Variants in TUFT1 observed in about 807,000 individuals in gnomAD.
TUFT1 encodes tuftelin 1.
TUFT1 carries 43 observed loss-of-function variants against 57.8 expected under a neutral mutation model. The observed-to-expected ratio is 0.74, with a 90% CI of 0.58 to 0.96. The LOEUF is 0.96. TUFT1 is among the 40% of genes least tolerant of loss of function. The pLI is 0.00. For synonymous variants in TUFT1, 166 were observed against 176.7 expected (o/e 0.94, Z 0.48); for missense variants, 459 against 489.0 (o/e 0.94, Z 0.58).
chr1:151,554,831 G>A (rs1465852179), intron 1 of TUFT1, among the ~76,000 whole-genome samples: 1 of 147,370 alleles, frequency 6.8e-6, no homozygotes, highest in African/African-American at 2.5e-5. Context: ...AGCCTCCTGA[G>A]TAGCTGGGAC....
chr1:151,547,409 T>C (rs1405262332), intron 1 of TUFT1, among the ~76,000 whole-genome samples: 1 of 152,216 alleles, frequency 6.6e-6, no homozygotes, highest in Non-Finnish European at 1.5e-5. Flanking sequence ...TTATGGTGCA[T>C]GCCTCTTTGG....
intron 7 of TUFT1, among the ~76,000 whole-genome samples, chr1:151,570,907 A>G (rs1016836797): frequency 6.6e-6 from 1 of 152,050 alleles, no homozygotes; most frequent in Non-Finnish European, 1.5e-5. Context: ...GGGTCTTGCC[A>G]TGTTGCCCAG....
chr1:151,575,115 G>A, intron 9 of TUFT1, 110 bp downstream of exon 9: 1 of 950,498 alleles, frequency 1.1e-6, no homozygotes, highest in Non-Finnish European at 1.6e-6. Context: ...AGCTGGTGCT[G>A]ATGTCAGATC....
chr1:151,571,173 C>T (rs140765739), intron 7 of TUFT1, among the ~76,000 whole-genome samples: 1 of 152,330 alleles, frequency 6.6e-6, no homozygotes, highest in East Asian at 1.9e-4. Context: ...TTGAACTCTT[C>T]ATTTTCATGG....
intron 1 of TUFT1, chr1:151,557,357 G>A: frequency 1.6e-6 from 1 of 622,320 alleles, no homozygotes; most frequent in Non-Finnish European, 2.9e-6. Flanking sequence ...ATCAGACATT[G>A]TTATACTTTT....
chr1:151,569,040 C>T (rs932129503), intron 6 of TUFT1, among the ~76,000 whole-genome samples: 1 of 152,200 alleles, frequency 6.6e-6, no homozygotes, highest in African/African-American at 2.4e-5. Context: ...TAACCACCAG[C>T]CCACAGTTGG....
chr1:151,579,681 G>T lies in TUFT1; in HGVS notation c.957G>T (p.Lys319Asn). The change falls in exon 11 of 13, where the codon AAG becomes AAT. Residue 319 changes from lysine to asparagine, a missense_variant. Coordinates refer to ENST00000368849, the MANE Select transcript of TUFT1 (RefSeq NM_020127.3). ...LQNSKAVIQS[K>N]DATIQELKEK... ...ATTCAAAAGCTGTGATCCAGTCAAA[G>T]GACGCCACCATCCAGGAGCTCAAGG... The T allele has an allele frequency of 6.2e-7, 1 of 1,614,068 alleles. No individual in the cohort carries two copies. The highest frequency in any genetic ancestry group is 8.5e-7 in the Non-Finnish European group (1 of 1,179,988).
intron 1 of TUFT1, among the ~76,000 whole-genome samples, chr1:151,547,605 GT>G (rs1383541412): frequency 6.6e-6 from 1 of 152,180 alleles, no homozygotes; most frequent in African/African-American, 2.4e-5. Flanking sequence ...AAGAGACGTG[GT>G]TTTCTTGGGT....
chr1:151,578,902 T>C (rs571098231), intron 10 of TUFT1, 76 bp downstream of exon 10: 8 of 1,169,652 alleles, frequency 6.8e-6, no homozygotes, highest in African/African-American at 1.5e-5. Context: ...CCTAGGGAGC[T>C]TGACTTATAT....
chr1:151,573,206 C>T (rs1215381941), intron 7 of TUFT1, among the ~76,000 whole-genome samples: 3 of 152,142 alleles, frequency 2.0e-5, no homozygotes, highest in Non-Finnish European at 4.4e-5. Flanking sequence ...CAGTCTACTT[C>T]GGGGTGCACA....
At chr1:151,575,597 C>T (rs1342206244) in intron 9 of TUFT1, among the ~76,000 whole-genome samples, 2 of 152,170 alleles carry the variant, frequency 1.3e-5, no homozygotes, top group African/African-American at 4.8e-5. Flanking sequence ...TCAGAGGCCC[C>T]AGACAACCAA....
intron 1 of TUFT1, among the ~76,000 whole-genome samples, chr1:151,542,588 T>G (rs1254769942): frequency 6.6e-6 from 1 of 152,156 alleles, no homozygotes; most frequent in African/African-American, 2.4e-5. Context: ...AAAAAATTAC[T>G]AAGAGAAAAT....
chr1:151,578,612 G>A, intron 9 of TUFT1, 109 bp from the exon 10 acceptor site: 3 of 904,692 alleles, frequency 3.3e-6, no homozygotes, highest in Non-Finnish European at 5.0e-6. Flanking sequence ...AGGGAATCAG[G>A]CAAAGGGAAT....
intron 7 of TUFT1, among the ~76,000 whole-genome samples, chr1:151,570,591 T>C (rs918682393): frequency 1.3e-5 from 2 of 152,110 alleles, no homozygotes; most frequent in Non-Finnish European, 2.9e-5. Flanking sequence ...GGAATGAGTA[T>C]ATTAATTATT....
intron 6 of TUFT1, among the ~76,000 whole-genome samples, chr1:151,566,838 T>C (rs531322598): frequency 2.9e-4 from 44 of 152,254 alleles, no homozygotes; most frequent in Non-Finnish European, 2.9e-5. Context: ...TCTTTCCATG[T>C]CAGTACATAT....
chr1:151,558,529 G>T (rs1171818312), intron 1 of TUFT1, among the ~76,000 whole-genome samples: 2 of 151,804 alleles, frequency 1.3e-5, no homozygotes, highest in African/African-American at 4.8e-5. Context: ...AAAATTTTTG[G>T]TCATTATTTC....
chr1:151,551,924 A>G (rs942566745), intron 1 of TUFT1, among the ~76,000 whole-genome samples: 2 of 152,214 alleles, frequency 1.3e-5, no homozygotes, highest in African/African-American at 4.8e-5. Context: ...TTCACAAACT[A>G]GACACATTCC....
At chr1:151,561,003 T>A (rs1430826582) in intron 1 of TUFT1, among the ~76,000 whole-genome samples, 2 of 123,808 alleles carry the variant, frequency 1.6e-5, no homozygotes, top group African/African-American at 2.9e-5. Flanking sequence ...TGTGTGTGTG[T>A]GAGTGTTTGA....
In TUFT1 at chr1:151,562,195, C is replaced by T. The variant is rs147774843; in HGVS notation, c.135+30C>T. 3.0e-5 allele frequency: 47 copies of T among 1,581,082 alleles called. No individual in the cohort carries two copies. The East Asian group carries it at 9.4e-4, about 32-fold the overall frequency. On this transcript the variant is annotated intron_variant, in intron 2 of 12. Coordinates refer to ENST00000368849, the MANE Select transcript of TUFT1 (RefSeq NM_020127.3). ...TGCGGAATTCTGGTGGGCAAGGCCC[C>T]CTCCCCACACCAGTGCTTCCTTGCT...
Sources: allele counts gnomAD v4.1 joint callset (sites outside exome capture counted in the v4.1 genomes callset), GRCh38; gene constraint gnomAD v4.1.1; transcripts MANE v1.5; gene names NCBI Gene and HGNC (gene_info 2026-07-23, HGNC 2026-07-21).